The following ZC3H12B variants were observed in gnomAD, a reference collection of about 807,000 sequenced individuals.
ZC3H12B encodes probable ribonuclease ZC3H12B.
ZC3H12B carries 7 observed loss-of-function variants against 43.9 expected under a neutral mutation model. The observed-to-expected ratio is 0.16, with a 90% confidence interval of 0.09 to 0.30. The LOEUF (loss-of-function observed/expected upper bound fraction) is 0.30, where lower values mean the gene tolerates loss of function less well. Ranked by LOEUF, ZC3H12B falls within the 10% of genes least tolerant of loss-of-function variation. The pLI, the probability that ZC3H12B is intolerant of heterozygous loss-of-function variation, is 1.00. For missense variants in ZC3H12B, 475 were observed against 670.2 expected (o/e 0.71, Z 3.22); for synonymous variants, 222 against 241.7 (o/e 0.92, Z 0.76).
the ZC3H12B span, among the ~76,000 whole-genome samples, chrX:65,164,553 T>C: frequency 9.0e-6 from 1 of 111,500 alleles, no homozygotes; most frequent in Non-Finnish European, 1.9e-5. Context: ...AGGAGGTTAG[T>C]TTTGGGAAGA....
chrX:65,247,015 A>T, the ZC3H12B span, among the ~76,000 whole-genome samples: 1 of 112,497 alleles, frequency 8.9e-6, no homozygotes, highest in African/African-American at 3.2e-5. Context: ...CATTTGACAA[A>T]GATCAGCATC....
intron 3 of ZC3H12B, among the ~76,000 whole-genome samples, chrX:65,443,124 C>T (rs749775779): frequency 9.0e-6 from 1 of 111,670 alleles, no homozygotes; most frequent in Non-Finnish European, 1.9e-5. Flanking sequence ...TCGCTATAAT[C>T]GTTCCTCCTC....
At chrX:65,174,484 C>G in the ZC3H12B span, among the ~76,000 whole-genome samples, 1 of 111,793 alleles carries the variant, frequency 8.9e-6, no homozygotes, top group African/African-American at 3.2e-5. Context: ...CCACATCCAC[C>G]CCTTCCCCAG....
the ZC3H12B span, among the ~76,000 whole-genome samples, chrX:65,228,937 T>A: frequency 3.6e-5 from 4 of 111,825 alleles, no homozygotes; most frequent in Admixed American, 2.8e-4. Flanking sequence ...AGAATAAGTA[T>A]CATGAAAATG....
the ZC3H12B span, among the ~76,000 whole-genome samples, chrX:65,289,991 T>G: frequency 1.3e-3 from 148 of 110,792 alleles, no homozygotes; most frequent in African/African-American, 4.6e-3. Context: ...GGGCTTAAAC[T>G]AAAAAGCTTC....
chrX:65,110,359 C>T, the ZC3H12B span, among the ~76,000 whole-genome samples: 14 of 108,400 alleles, frequency 1.3e-4, no homozygotes, highest in Middle Eastern at 4.8e-3. Flanking sequence ...AAAAATTCTG[C>T]CTAGCCCTAG....
chrX:65,192,380 A>T, the ZC3H12B span, among the ~76,000 whole-genome samples: 1 of 111,353 alleles, frequency 9.0e-6, no homozygotes, highest in Admixed American at 9.6e-5. Context: ...TGGGACATTC[A>T]GTACCATTTT....
chrX:65,360,809 G>A, the ZC3H12B span, among the ~76,000 whole-genome samples: 1 of 112,196 alleles, frequency 8.9e-6, no homozygotes, highest in South Asian at 3.7e-4. Flanking sequence ...AGTTGAATGA[G>A]TGAACAAATT....
chrX:65,307,296 T>A, the ZC3H12B span, among the ~76,000 whole-genome samples: 1 of 112,103 alleles, frequency 8.9e-6, no homozygotes, highest in Non-Finnish European at 1.9e-5. Flanking sequence ...AAAGCAGAGA[T>A]ATGTGTCCAT....
the ZC3H12B span, among the ~76,000 whole-genome samples, chrX:65,184,730 G>A: frequency 9.0e-6 from 1 of 111,276 alleles, no homozygotes; most frequent in Non-Finnish European, 1.9e-5. Context: ...GAGAAACATG[G>A]TATACATGTA....
the ZC3H12B span, among the ~76,000 whole-genome samples, chrX:65,167,117 C>G: frequency 2.7e-5 from 3 of 111,717 alleles, no homozygotes; most frequent in Admixed American, 2.9e-4. Context: ...AGTACTTGCC[C>G]ATGCCTATGT....
At chrX:65,329,678 T>G in the ZC3H12B span, among the ~76,000 whole-genome samples, 3 of 111,226 alleles carry the variant, frequency 2.7e-5, no homozygotes, top group Middle Eastern at 4.6e-3. Flanking sequence ...TTTTTATGGT[T>G]TAAGGTCTAA....
the ZC3H12B span, among the ~76,000 whole-genome samples, chrX:65,167,859 T>C: frequency 1.8e-5 from 2 of 112,131 alleles, no homozygotes; most frequent in African/African-American, 6.5e-5. Flanking sequence ...TGTATAAGAA[T>C]GCTTGTGATT....
At chrX:65,231,420 G>T in the ZC3H12B span, among the ~76,000 whole-genome samples, 1 of 111,243 alleles carries the variant, frequency 9.0e-6, no homozygotes, top group Non-Finnish European at 1.9e-5. Context: ...GAATTTACCA[G>T]GCTGGAATTT....
chrX:65,436,124 G>A (rs59553255), intron 3 of ZC3H12B, among the ~76,000 whole-genome samples: 9,198 of 112,095 alleles, frequency 0.082, 1,028 homozygotes, highest in African/African-American at 0.29. Context: ...CACGTCTTAC[G>A]TGGCTGTAGC....
chrX:65,491,906 A>G (rs1322413971), intron 1 of ZC3H12B, among the ~76,000 whole-genome samples: 1 of 109,829 alleles, frequency 9.1e-6, no homozygotes, highest in African/African-American at 3.3e-5. Flanking sequence ...GTCTGCACAC[A>G]ATACTACAGC....
At chrX:65,433,588 C>T (rs1430317103) in intron 3 of ZC3H12B, among the ~76,000 whole-genome samples, 10 of 111,581 alleles carry the variant, frequency 9.0e-5, no homozygotes, top group Non-Finnish European at 1.3e-4. Context: ...GATTTCCTGA[C>T]CTCTAAAGCT....
the ZC3H12B span, among the ~76,000 whole-genome samples, chrX:65,281,683 C>A: frequency 8.9e-6 from 1 of 112,329 alleles, no homozygotes; most frequent in African/African-American, 3.2e-5. Flanking sequence ...CAAAATTGAC[C>A]AAACACCTAA....
chrX:65,394,048 T>C (rs1277741105), intron 2 of ZC3H12B, among the ~76,000 whole-genome samples: 2 of 112,309 alleles, frequency 1.8e-5, no homozygotes, highest in African/African-American at 6.5e-5. Context: ...AATGAGATTG[T>C]TTGGTTTTTT....
Sources: gnomAD v4.1 joint callset for allele counts (sites outside exome capture counted in the v4.1 genomes callset) on GRCh38, gnomAD v4.1.1 for gene constraint, MANE v1.5 for transcripts, NCBI Gene and HGNC (gene_info 2026-07-23, HGNC 2026-07-21) for gene names.